Variants in CRTC3 observed in about 807,000 individuals in gnomAD.
CRTC3 encodes CREB-regulated transcription coactivator 3.
A neutral mutation model predicts 74.5 loss-of-function variants in CRTC3; 26 were observed. That is an observed-to-expected ratio of 0.35 (90% CI 0.26 to 0.48). The LOEUF (loss-of-function observed/expected upper bound fraction) is 0.48. Among genes scored for constraint, CRTC3 ranks in the 20% least tolerant of loss-of-function variants. The pLI is 0.99. For missense variants in CRTC3, 760 were observed against 787.3 expected (o/e 0.97, Z 0.41); for synonymous variants, 377 against 325.8 (o/e 1.16, Z -1.69).
At chr15:90,553,922 T>C (rs1425584526) in intron 2 of CRTC3, among the ~76,000 whole-genome samples, 3 of 152,228 alleles carry the variant, frequency 2.0e-5, no homozygotes, top group African/African-American at 7.2e-5. Flanking sequence ...ACATATACTT[T>C]GCCTTAAAAT....
intron 1 of CRTC3, among the ~76,000 whole-genome samples, chr15:90,532,940 C>T (rs1003607401): frequency 6.7e-6 from 1 of 150,128 alleles, no homozygotes; most frequent in Non-Finnish European, 1.5e-5. Context: ...CAAAAATTAG[C>T]CTGGCATGGT....
At chr15:90,545,767 A>G (rs1251944107) in intron 2 of CRTC3, among the ~76,000 whole-genome samples, 2 of 151,668 alleles carry the variant, frequency 1.3e-5, no homozygotes, top group East Asian at 3.9e-4. Context: ...TTTAGTAGAG[A>G]CGGGGTTTCA....
chr15:90,545,349 G>T (rs973987903), intron 2 of CRTC3, among the ~76,000 whole-genome samples: 1 of 151,900 alleles, frequency 6.6e-6, no homozygotes, highest in Non-Finnish European at 1.5e-5. Flanking sequence ...CATTCTTTTG[G>T]GTACATACTC....
intron 2 of CRTC3, among the ~76,000 whole-genome samples, chr15:90,560,897 AC>A (rs1966997023): frequency 4.6e-5 from 7 of 152,222 alleles, no homozygotes; most frequent in Admixed American, 2.6e-4. Flanking sequence ...TTAATACCAT[AC>A]AAGCCCTTTT....
Position 90,530,898 on chromosome 15 carries a change from C to G in CRTC3, c.132+695C>G, listed in dbSNP as rs1396405695. Among the ~76,000 whole-genome samples, 1 of 152,164 alleles carries G rather than the reference C, an allele frequency of 6.6e-6. No homozygotes were observed. Among genetic ancestry groups the G allele is most frequent in the Non-Finnish European group, 1.5e-5 (1 of 68,042 alleles). Reference sequence around the variant, plus strand: ...AGTAAGGCGCGAGCCGGGACAAACACCTGGAGAGGTTAGGTAACCGCTGAG... The same window carrying G: ...AGTAAGGCGCGAGCCGGGACAAACAGCTGGAGAGGTTAGGTAACCGCTGAG... On this transcript the variant is annotated intron_variant, in intron 1 of 14. Transcript: ENST00000268184. The surrounding 1 kb of genome is among the most constrained non-coding windows in gnomAD (Gnocchi z 6.2).
intron 13 of CRTC3, among the ~76,000 whole-genome samples, chr15:90,639,818 C>A (rs762618887): frequency 6.6e-6 from 1 of 150,404 alleles, no homozygotes; most frequent in African/African-American, 2.4e-5. Context: ...GAGGCCGAGG[C>A]GGGCGGATCA....
Position 90,630,755 on chromosome 15 carries a change from C to CTTTTTT in CRTC3, c.1266+1223_1266+1224insTTTTTT, listed in dbSNP as rs1290271902. On this transcript the variant is annotated intron_variant, in intron 11 of 14. Transcript: ENST00000268184. ...TCACATCCTCTGTCTATTACAGCAT[C>CTTTTTT]ATTTTTTTTTTTTTTTTTTTTTTTT... Among the ~76,000 whole-genome samples, 27 of 37,520 alleles carry CTTTTTT rather than the reference C, an allele frequency of 7.2e-4. 8 individuals carry two copies. Among genetic ancestry groups the CTTTTTT allele is most frequent in the African/African-American group, 1.8e-3 (24 of 13,088 alleles). The allele number at this position is 37,520 out of a possible 152,430, so 24.6% of individuals were successfully genotyped here.
intron 9 of CRTC3, chr15:90,624,979 C>G (rs567856058): frequency 6.6e-6 from 1 of 152,652 alleles, no homozygotes; most frequent in Non-Finnish European, 1.5e-5. Flanking sequence ...GAGGGCCAGG[C>G]TGTCTCCCTG....
At chr15:90,640,631 G>A (rs755073169) in intron 13 of CRTC3, among the ~76,000 whole-genome samples, 11 of 152,048 alleles carry the variant, frequency 7.2e-5, no homozygotes, top group Non-Finnish European at 1.2e-4. Flanking sequence ...TCAGTGAGCC[G>A]AGATGGCGCC....
intron 13 of CRTC3, among the ~76,000 whole-genome samples, chr15:90,639,068 T>C (rs1339639621): frequency 6.6e-6 from 1 of 152,132 alleles, no homozygotes; most frequent in Non-Finnish European, 1.5e-5. Context: ...ACTCTCGTTG[T>C]AGAACTGTAA....
In CRTC3 at chr15:90,643,381, G is replaced by C. The variant is rs565678924; in HGVS notation, c.*1241G>C. On this transcript the variant is annotated 3_prime_UTR_variant, in exon 15 of 15. Transcript: ENST00000268184. Reference sequence around the variant, plus strand: ...TAGGTGACCAAATCACAGTGAAGCCGGGCACTGCATTCTCCTTGGGCTGTG... The same window carrying C: ...TAGGTGACCAAATCACAGTGAAGCCCGGCACTGCATTCTCCTTGGGCTGTG... 6 of 228,602 alleles carry C rather than the reference G, an allele frequency of 2.6e-5. No homozygotes were observed. Among genetic ancestry groups the C allele is most frequent in the Admixed American group, 1.1e-4 (2 of 17,644 alleles). 14.2% of individuals were successfully genotyped at this position (228,602 alleles called of 1,614,324 possible).
chr15:90,607,318 C>T, intron 5 of CRTC3, 60 bp from the exon 6 acceptor site: 2 of 942,046 alleles, frequency 2.1e-6, no homozygotes, highest in South Asian at 2.9e-5. Context: ...TCAACAAAGA[C>T]TATTGCATTT....
chr15:90,532,196 C>G (rs575446805), intron 1 of CRTC3, among the ~76,000 whole-genome samples: 4 of 152,254 alleles, frequency 2.6e-5, no homozygotes, highest in Non-Finnish European at 4.4e-5. Flanking sequence ...TTGGCTCCAC[C>G]GTGTTCATAA....
At chr15:90,641,294 A>G in intron 14 of CRTC3, 95 bp downstream of exon 14, 1 of 880,014 alleles carries the variant, frequency 1.1e-6, no homozygotes, top group Non-Finnish European at 1.8e-6. Flanking sequence ...ATATTATATA[A>G]AGCAAAAAGT....
intron 13 of CRTC3, among the ~76,000 whole-genome samples, chr15:90,639,538 C>T (rs1287376993): frequency 1.3e-5 from 2 of 150,372 alleles, no homozygotes; most frequent in African/African-American, 4.9e-5. Context: ...CAACCTCCAC[C>T]TCCTGGGTTC....
At chr15:90,598,803 G>A (rs1402167006) in intron 3 of CRTC3, 2 of 380,162 alleles carry the variant, frequency 5.3e-6, no homozygotes, top group Non-Finnish European at 9.7e-6. Context: ...GTGGGTGACA[G>A]TGGGGCCGAG....
intron 11 of CRTC3, among the ~76,000 whole-genome samples, chr15:90,637,401 T>C (rs1969279127): frequency 6.6e-6 from 1 of 152,004 alleles, no homozygotes; most frequent in Non-Finnish European, 1.5e-5. Flanking sequence ...CCGGGGCCTG[T>C]TGTGGGATGC....
chr15:90,632,160 G>A (rs1408230708), intron 11 of CRTC3, among the ~76,000 whole-genome samples: 1 of 149,832 alleles, frequency 6.7e-6, no homozygotes, highest in East Asian at 1.9e-4. Flanking sequence ...TTATGTTATT[G>A]AATTACCTTT....
chr15:90,591,309 A>G (rs1032450598), intron 2 of CRTC3, among the ~76,000 whole-genome samples: 2 of 151,640 alleles, frequency 1.3e-5, no homozygotes, highest in African/African-American at 4.8e-5. Flanking sequence ...TTGTAGAGAC[A>G]GGGTCTCACT....
Sources: gnomAD v4.1 joint callset for allele counts (sites outside exome capture counted in the v4.1 genomes callset) on GRCh38, gnomAD v4.1.1 for gene constraint, Gnocchi (gnomAD v3.1) non-coding constraint, MANE v1.5 for transcripts, NCBI Gene and HGNC (gene_info 2026-07-23, HGNC 2026-07-21) for gene names.